Variants in ESRRG observed in about 807,000 individuals in gnomAD.
ESRRG encodes estrogen-related receptor gamma.
Under a neutral mutation model 44.0 loss-of-function variants are expected in ESRRG, and 13 were observed. The ratio of observed to expected loss-of-function variants is 0.30; its 90% confidence interval spans 0.19 to 0.47. ESRRG has a LOEUF of 0.47. Ranked by LOEUF, ESRRG falls within the 20% of genes least tolerant of loss-of-function variation. The pLI, the probability that ESRRG is intolerant of heterozygous loss-of-function variation, is 1.00. For synonymous variants in ESRRG, 215 were observed against 214.6 expected (o/e 1.00, Z -0.02); for missense variants, 395 against 580.6 (o/e 0.68, Z 3.29).
intron 2 of ESRRG, among the ~76,000 whole-genome samples, chr1:216,938,056 G>A (rs888961753): frequency 9.0e-4 from 136 of 151,818 alleles, no homozygotes; most frequent in Non-Finnish European, 1.7e-3. Context: ...CTTGTGGCTC[G>A]GTGCCCCTGC....
chr1:216,833,382 C>T (rs2095516223), intron 2 of ESRRG, among the ~76,000 whole-genome samples: 1 of 152,180 alleles, frequency 6.6e-6, no homozygotes, highest in Non-Finnish European at 1.5e-5. Flanking sequence ...AGTTCCAAGG[C>T]TGTATGTATT....
At chr1:216,526,308 A>C (rs1479543921) in intron 5 of ESRRG, among the ~76,000 whole-genome samples, 3 of 152,180 alleles carry the variant, frequency 2.0e-5, no homozygotes, top group Non-Finnish European at 2.9e-5. Flanking sequence ...GATCACATTA[A>C]GATGAGGTCA....
chr1:216,838,056 G>A (rs1381092785), intron 2 of ESRRG, among the ~76,000 whole-genome samples: 1 of 152,080 alleles, frequency 6.6e-6, no homozygotes, highest in African/African-American at 2.4e-5. Context: ...ATATATAACT[G>A]CACATGAGAA....
At chr1:216,729,296 A>G (rs897498481) in intron 2 of ESRRG, among the ~76,000 whole-genome samples, 18 of 152,210 alleles carry the variant, frequency 1.2e-4, no homozygotes, top group Non-Finnish European at 1.3e-4. Flanking sequence ...CACCCTCAAT[A>G]GTGCCCCCGT....
intron 2 of ESRRG, among the ~76,000 whole-genome samples, chr1:216,923,279 T>C (rs1466269790): frequency 6.6e-6 from 1 of 152,214 alleles, no homozygotes; most frequent in Non-Finnish European, 1.5e-5. Context: ...ACACTAAATC[T>C]TATTAAACTA....
intron 1 of ESRRG, among the ~76,000 whole-genome samples, 153 bp from the exon 2 acceptor site, chr1:216,677,644 C>T (rs937298134): frequency 1.3e-5 from 2 of 152,140 alleles, no homozygotes; most frequent in Non-Finnish European, 2.9e-5. Flanking sequence ...ATGTTAAAGA[C>T]ATTGCTCTTT....
intron 2 of ESRRG, among the ~76,000 whole-genome samples, chr1:216,907,905 A>C (rs11572522): frequency 0.016 from 2,423 of 152,324 alleles, 29 homozygotes; most frequent in Non-Finnish European, 0.023. Flanking sequence ...TTCTTCTCTT[A>C]TGTTAAAACA....
chr1:216,806,238 T>C (rs1312710141), intron 2 of ESRRG, among the ~76,000 whole-genome samples: 1 of 152,220 alleles, frequency 6.6e-6, no homozygotes, highest in Non-Finnish European at 1.5e-5. Flanking sequence ...GTCTAATTAA[T>C]GTGAAACAAT....
chr1:216,677,517 G>A, intron 1 of ESRRG, 26 bp from the exon 2 acceptor site: 2 of 1,563,476 alleles, frequency 1.3e-6, no homozygotes, highest in Non-Finnish European at 8.7e-7. Context: ...TACAAAGAGA[G>A]ACAGAAAGAG....
intron 3 of ESRRG, among the ~76,000 whole-genome samples, chr1:216,596,232 T>G (rs1279867198): frequency 1.3e-5 from 2 of 152,228 alleles, no homozygotes; most frequent in African/African-American, 4.8e-5. Flanking sequence ...CTTCTGTCAC[T>G]GCGAGAGCTT....
At chr1:216,821,342 C>G (rs1023850566) in intron 2 of ESRRG, among the ~76,000 whole-genome samples, 1 of 152,004 alleles carries the variant, frequency 6.6e-6, no homozygotes, top group Non-Finnish European at 1.5e-5. Flanking sequence ...TCCCACTGAA[C>G]CATTTGAAAT....
At chr1:216,942,043 G>A (rs1000366315) in intron 1 of ESRRG, among the ~76,000 whole-genome samples, 6 of 152,116 alleles carry the variant, frequency 3.9e-5, no homozygotes, top group Non-Finnish European at 2.9e-5. Flanking sequence ...CGGACAGAAA[G>A]TTTTTCAACC....
At chr1:216,522,255 C>CTTT (rs71161437) in intron 5 of ESRRG, among the ~76,000 whole-genome samples, 2 of 29,260 alleles carry the variant, frequency 6.8e-5, no homozygotes, top group African/African-American at 1.5e-4. Context: ...AACAGCTCTC[C>CTTT]TTTTTTTTTT....
At chr1:217,115,544 C>G (rs140143784) in intron 1 of ESRRG, among the ~76,000 whole-genome samples, 3 of 152,208 alleles carry the variant, frequency 2.0e-5, no homozygotes, top group Non-Finnish European at 4.4e-5. Flanking sequence ...CCTGCTTGCT[C>G]GAACATACCA....
At chr1:216,780,391 G>C (rs77752886) in intron 2 of ESRRG, among the ~76,000 whole-genome samples, 2,985 of 152,034 alleles carry the variant, frequency 0.02, 99 homozygotes, top group African/African-American at 0.066. Context: ...ATGGACCCTG[G>C]GAATGCCTGG....
intron 3 of ESRRG, among the ~76,000 whole-genome samples, chr1:216,607,719 T>C (rs1156270588): frequency 1.3e-5 from 2 of 152,206 alleles, no homozygotes; most frequent in Admixed American, 1.3e-4. Context: ...ATTTTGCATC[T>C]AAGGAGAGGT....
At chr1:216,641,515 C>A (rs902212196) in intron 3 of ESRRG, among the ~76,000 whole-genome samples, 1 of 152,192 alleles carries the variant, frequency 6.6e-6, no homozygotes, top group African/African-American at 2.4e-5. Context: ...GCAGATGGTG[C>A]ACAAAGTCAG....
chr1:216,974,581 T>C lies in ESRRG; in HGVS notation c.-105-34908A>G, dbSNP rs76143645. Among the ~76,000 whole-genome samples the C allele has an allele frequency of 9.1e-4, 138 of 152,314 alleles. 4 individuals carry two copies. The East Asian group carries it at 0.025, about 28-fold the overall frequency. ...GGGTAAAAAATAAAAAGGTTTATAA[T>C]TTTTTAAACAGAAAAAAATGGGCAG... On this transcript the variant is annotated intron_variant, in intron 1 of 7. Transcript: ENST00000359162.
At chr1:216,810,558 G>A (rs1046662231) in intron 2 of ESRRG, among the ~76,000 whole-genome samples, 5 of 146,878 alleles carry the variant, frequency 3.4e-5, no homozygotes, top group Non-Finnish European at 4.5e-5. Context: ...ATAGAAGGCA[G>A]AATATATATA....
Sources: gnomAD v4.1 joint callset for allele counts (sites outside exome capture counted in the v4.1 genomes callset) on GRCh38, gnomAD v4.1.1 for gene constraint, MANE v1.5 for transcripts, NCBI Gene and HGNC (gene_info 2026-07-23, HGNC 2026-07-21) for gene names.